Variants in RC3H1 observed in about 807,000 individuals in gnomAD.
The protein encoded by RC3H1 is roquin-1.
Under a neutral mutation model 138.2 loss-of-function variants are expected in RC3H1, and 50 were observed. That is an observed-to-expected ratio of 0.36 (90% CI 0.29 to 0.46). The LOEUF (loss-of-function observed/expected upper bound fraction) is 0.46. RC3H1 is among the 20% of genes least tolerant of loss of function. The probability of loss-of-function intolerance (pLI) is 1.00; values close to 1 mark genes in which losing one functional copy is unlikely to be tolerated. For synonymous variants in RC3H1, 462 were observed against 489.1 expected (o/e 0.94, Z 0.73); for missense variants, 1,031 against 1,388.1 (o/e 0.74, Z 4.09).
At chr1:173,968,984 G>A (rs1213343015) in intron 9 of RC3H1, among the ~76,000 whole-genome samples, 2 of 149,218 alleles carry the variant, frequency 1.3e-5, no homozygotes, top group Non-Finnish European at 3.0e-5. Context: ...TCAGCCTCCC[G>A]AGTAGCTTGG....
intron 6 of RC3H1, among the ~76,000 whole-genome samples, chr1:173,979,658 A>G (rs150021042): frequency 0.012 from 1,839 of 151,956 alleles, 48 homozygotes; most frequent in African/African-American, 0.043. Context: ...TCTGTCTCAA[A>G]CAAACAAACA....
At chr1:173,949,909 G>T (rs977296909) in intron 14 of RC3H1, among the ~76,000 whole-genome samples, 1 of 152,150 alleles carries the variant, frequency 6.6e-6, no homozygotes, top group Non-Finnish European at 1.5e-5. Flanking sequence ...GCTCACACCT[G>T]TAATCCCAGC....
chr1:173,938,532 A>C lies in RC3H1; in HGVS notation c.*189T>G. On this transcript the variant is annotated 3_prime_UTR_variant, in exon 20 of 20. Transcript: ENST00000367696. ...AATTTTCTTTTTCTTTAAATTAAAAAAATGCATTAATGTGAACTATGTGCA... is the reference window on the plus strand; with the variant it reads ...AATTTTCTTTTTCTTTAAATTAAAACAATGCATTAATGTGAACTATGTGCA... 1 of 410,354 alleles carries C rather than the reference A, an allele frequency of 2.4e-6. No homozygotes were observed. The highest frequency in any genetic ancestry group is 3.5e-5 in the East Asian group (1 of 28,490). The allele number at this position is 410,354 out of a possible 1,614,324, so 25.4% of individuals were successfully genotyped here.
rs751334155 is a variant in RC3H1 at position 173,972,581 on chromosome 1, A to G, written c.1149T>C (p.Ala383=). 8 of 1,614,110 alleles carry G rather than the reference A, an allele frequency of 5.0e-6. No individual in the cohort carries two copies. Among genetic ancestry groups the G allele is most frequent in the Non-Finnish European group, 6.8e-6 (8 of 1,179,976 alleles). The change falls in exon 8 of 20, where the codon GCT becomes GCC. Residue 383 remains alanine (A), a synonymous_variant. Coordinates refer to ENST00000367696, the MANE Select transcript of RC3H1 (RefSeq NM_172071.4). ...CCAGCCCATGTACCACTGTACGCAC[A>G]GCAACCAGCCCATTTTCCAGCTGTT... The part of the protein sequence containing the change: ...TWEQLENGLV[A]VRTVVHGLVD...
chr1:173,996,279 C>T (rs529711712), intron 1 of RC3H1, among the ~76,000 whole-genome samples: 1 of 151,248 alleles, frequency 6.6e-6, no homozygotes, highest in East Asian at 1.9e-4. Context: ...ACTCAAAATA[C>T]ATTAAGTAAA....
chr1:173,950,627 A>C (rs1219611913), intron 14 of RC3H1, among the ~76,000 whole-genome samples: 1 of 152,040 alleles, frequency 6.6e-6, no homozygotes, highest in African/African-American at 2.4e-5. Flanking sequence ...TAAACTCAGG[A>C]TAGAGATTAC....
chr1:173,974,837 C>A (rs565678102), intron 7 of RC3H1, among the ~76,000 whole-genome samples: 2 of 152,194 alleles, frequency 1.3e-5, no homozygotes, highest in East Asian at 1.9e-4. Flanking sequence ...ATCAGACAGA[C>A]AACAGGAGGC....
intron 1 of RC3H1, among the ~76,000 whole-genome samples, chr1:174,014,841 C>T (rs761364081): frequency 6.6e-6 from 1 of 151,880 alleles, no homozygotes; most frequent in Non-Finnish European, 1.5e-5. Flanking sequence ...TTTTTTTTAG[C>T]GAGGTCTATA....
In RC3H1 at chr1:174,006,165, C is replaced by A. The variant is rs188640637; in HGVS notation, c.-150-13030G>T. Among the ~76,000 whole-genome samples the A allele has an allele frequency of 3.3e-3, 498 of 152,190 alleles. 2 individuals are homozygous for A. Among genetic ancestry groups the A allele is most frequent in the South Asian group, 0.02 (96 of 4,816 alleles). On this transcript the variant is annotated intron_variant, in intron 1 of 19. Transcript: ENST00000367696. ...GAGGTTGCAGTGACCTTAGATCACG[C>A]CACTGCACTCCAGCCTGGGAACAAG...
Position 173,989,710 on chromosome 1 carries a change from G to C in RC3H1, c.231+3045C>G, listed in dbSNP as rs1254595375. 3.0e-3 allele frequency among the ~76,000 whole-genome samples: 310 copies of C among 103,228 alleles called. 3 individuals carry two copies. Among genetic ancestry groups the C allele is most frequent in the African/African-American group, 0.013 (276 of 21,346 alleles). The allele number at this position is 103,228 out of a possible 152,430, so 67.7% of individuals were successfully genotyped here. ...GTTAATAGAGTAAATGTTTATTCAAGTTTTTTTTTTTTTTTTTTTTTTTTT... is the reference window on the plus strand; with the variant it reads ...GTTAATAGAGTAAATGTTTATTCAACTTTTTTTTTTTTTTTTTTTTTTTTT... On this transcript the variant is annotated intron_variant, in intron 2 of 19. Transcript: ENST00000367696.
In RC3H1 at chr1:173,952,154, G is replaced by GAAA; in HGVS notation, c.2371-19_2371-17dup. 3 of 1,022,654 alleles carry GAAA rather than the reference G, an allele frequency of 2.9e-6. No individual in the cohort carries two copies. Among genetic ancestry groups the GAAA allele is most frequent in the East Asian group, 3.8e-5 (1 of 26,666 alleles). The allele number at this position is 1,022,654 out of a possible 1,614,324, so 63.3% of individuals were successfully genotyped here. A position where few individuals can be genotyped will look rare whatever the true frequency, so the allele number is the denominator to read the frequency against. Reference sequence around the variant, plus strand: ...CATCCAAAAACTACAGATGGAGAAAGAAAAAAAACAAAAAAAAAAAAAAGA... The same window carrying GAAA: ...CATCCAAAAACTACAGATGGAGAAAGAAAAAAAAAAACAAAAAAAAAAAAAAGA... On this transcript the variant is annotated splice_polypyrimidine_tract_variant and intron_variant, in intron 13 of 19. Transcript: ENST00000367696.
At chr1:173,996,023 T>C (rs999680335) in intron 1 of RC3H1, among the ~76,000 whole-genome samples, 1 of 151,924 alleles carries the variant, frequency 6.6e-6, no homozygotes, top group African/African-American at 2.4e-5. Context: ...GGAGGTCGAG[T>C]TGGGCAAATC....
chr1:174,018,493 G>T (rs775494672), intron 1 of RC3H1, among the ~76,000 whole-genome samples: 46 of 152,122 alleles, frequency 3.0e-4, no homozygotes, highest in Non-Finnish European at 5.7e-4. Flanking sequence ...TTCAAAAATA[G>T]AAGGAATCTA....
At chr1:173,958,740 G>A (rs12122061) in intron 13 of RC3H1, among the ~76,000 whole-genome samples, 4,020 of 151,036 alleles carry the variant, frequency 0.027, 85 homozygotes, top group Middle Eastern at 0.089. Flanking sequence ...ATACAAAGAA[G>A]TTGACTCCCC....
Position 173,982,867 on chromosome 1 carries a change from C to A in RC3H1, c.628G>T (p.Ala210Ser). ...GACAAAGCAGAACCATCTTCTAAGG[C>A]CAGCAGAACCAACTTTAAAGCTTCC... ...QEEALKLVLL[A>S]LEDGSALSRK... The change falls in exon 5 of 20, where the codon GCC becomes TCC. Residue 210 changes from alanine (A) to serine (S), a missense_variant. Ala to Ser is a moderately conservative substitution (Grantham distance 99). Coordinates refer to ENST00000367696, the MANE Select transcript of RC3H1 (RefSeq NM_172071.4). 9 of 1,612,002 alleles carry A rather than the reference C, an allele frequency of 5.6e-6. No homozygotes were observed. Among genetic ancestry groups the A allele is most frequent in the Non-Finnish European group, 7.6e-6 (9 of 1,179,224 alleles).
intron 6 of RC3H1, among the ~76,000 whole-genome samples, chr1:173,979,285 A>G (rs1660707269): frequency 2.0e-5 from 3 of 152,232 alleles, no homozygotes; most frequent in Non-Finnish European, 4.4e-5. Flanking sequence ...AAATTACTGT[A>G]GGATATACAC....
In RC3H1 at chr1:173,931,210, C is replaced by T. The variant is rs1430306881; in HGVS notation, c.*7511G>A. Reference sequence around the variant, plus strand: ...GGCACACACTCATTTACAAAATACACACGTTCCTCATTAATTTATCATTTA... The same window carrying T: ...GGCACACACTCATTTACAAAATACATACGTTCCTCATTAATTTATCATTTA... On this transcript the variant is annotated 3_prime_UTR_variant, in exon 20 of 20. Transcript: ENST00000367696. 1 of 152,220 alleles carries T rather than the reference C, an allele frequency of 6.6e-6. No homozygotes were observed. The highest frequency in any genetic ancestry group is 1.9e-4 in the East Asian group (1 of 5,204). 9.4% of individuals were successfully genotyped at this position (152,220 alleles called of 1,614,324 possible).
intron 1 of RC3H1, among the ~76,000 whole-genome samples, chr1:174,016,611 TAAG>T (rs1019342882): frequency 1.3e-5 from 2 of 151,458 alleles, no homozygotes; most frequent in African/African-American, 2.4e-5. Flanking sequence ...AAATTTTCCT[TAAG>T]GAGGGGAGAT....
chr1:174,007,102 A>G (rs1207749605), intron 1 of RC3H1, among the ~76,000 whole-genome samples: 3 of 152,094 alleles, frequency 2.0e-5, no homozygotes, highest in Admixed American at 2.0e-4. Flanking sequence ...AAAATTCTAT[A>G]TAACAGGCCA....
Sources: gnomAD v4.1 joint callset for allele counts (sites outside exome capture counted in the v4.1 genomes callset) on GRCh38, gnomAD v4.1.1 for gene constraint, MANE v1.5 for transcripts, NCBI Gene and HGNC (gene_info 2026-07-23, HGNC 2026-07-21) for gene names.